NTNG1: variants seen among roughly 807,000 people sequenced by gnomAD.
NTNG1 encodes netrin-G1.
Under a neutral mutation model 54.0 loss-of-function variants are expected in NTNG1, and 16 were observed. That is an observed-to-expected ratio of 0.30 (90% CI 0.20 to 0.45). The LOEUF (loss-of-function observed/expected upper bound fraction) is 0.45. Ranked by LOEUF, NTNG1 falls within the 20% of genes least tolerant of loss-of-function variation. The pLI is 1.00. For missense variants in NTNG1, 530 were observed against 678.7 expected, an observed-to-expected ratio of 0.78 and a Z score of 2.43; for synonymous variants, 255 against 263.1, an observed-to-expected ratio of 0.97 and a Z score of 0.30.
rs111420011 is a variant in NTNG1 at position 107,437,142 on chromosome 1, A to G, written c.1390+343A>G. 3.7e-3 allele frequency among the ~76,000 whole-genome samples: 558 copies of G among 152,282 alleles called. 1 individual carries two copies. Among genetic ancestry groups the G allele is most frequent in the Non-Finnish European group, 5.4e-3 (370 of 68,024 alleles). On this transcript the variant is annotated intron_variant, in intron 7 of 7. Coordinates refer to ENST00000370068, the MANE Select transcript of NTNG1 (RefSeq NM_001113226.3). ...GAAGGGTGATGTGCATGTGATTAAT[A>G]TATTTCTTGAACTGAAAGTTACCCT...
chr1:107,273,238 T>C (rs1664258603), intron 2 of NTNG1, among the ~76,000 whole-genome samples: 1 of 151,918 alleles, frequency 6.6e-6, no homozygotes, highest in South Asian at 2.1e-4. Flanking sequence ...AGCCGGGAAG[T>C]GAGTGCTGAG....
At chr1:107,348,113 T>TTTATTATTA (rs147243583) in intron 3 of NTNG1, among the ~76,000 whole-genome samples, 3 of 148,414 alleles carry the variant, frequency 2.0e-5, no homozygotes, top group African/African-American at 7.5e-5. Context: ...TTTGTTTGCT[T>TTTATTATTA]TTATTATTAT....
At chr1:107,205,097 G>A (rs933361984) in intron 2 of NTNG1, among the ~76,000 whole-genome samples, 2 of 152,158 alleles carry the variant, frequency 1.3e-5, no homozygotes, top group Admixed American at 1.3e-4. Context: ...CCCCAGAAGT[G>A]TCTCACTCTC....
At chr1:107,395,098 G>A (rs1672597696) in intron 3 of NTNG1, 56 bp from the exon 4 acceptor site, 1 of 1,426,384 alleles carries the variant, frequency 7.0e-7, no homozygotes, top group African/African-American at 1.4e-5. Context: ...GGAAGCCTCA[G>A]TGGTCACCAA....
chr1:107,400,095 C>T (rs970118538), intron 4 of NTNG1, among the ~76,000 whole-genome samples: 2 of 152,114 alleles, frequency 1.3e-5, no homozygotes, highest in Admixed American at 6.6e-5. Context: ...CTAATAAATT[C>T]AGAAAAATTT....
chr1:107,160,327 T>G (rs533903734), intron 2 of NTNG1, among the ~76,000 whole-genome samples: 1 of 152,110 alleles, frequency 6.6e-6, no homozygotes, highest in Non-Finnish European at 1.5e-5. Flanking sequence ...TCACAACATA[T>G]ATTAGCAAGT....
intron 3 of NTNG1, among the ~76,000 whole-genome samples, chr1:107,387,483 T>G (rs1490201791): frequency 6.6e-6 from 1 of 152,246 alleles, no homozygotes; most frequent in East Asian, 1.9e-4. Flanking sequence ...TTAGTAAGCC[T>G]AGAGGAAGCC....
intron 5 of NTNG1, among the ~76,000 whole-genome samples, chr1:107,414,749 A>G (rs1448783445): frequency 6.6e-6 from 1 of 152,186 alleles, no homozygotes; most frequent in Non-Finnish European, 1.5e-5. Flanking sequence ...CTATGATGCC[A>G]AGCAAATATT....
intron 2 of NTNG1, among the ~76,000 whole-genome samples, chr1:107,246,504 A>G (rs756825467): frequency 3.9e-5 from 6 of 152,032 alleles, no homozygotes; most frequent in Non-Finnish European, 7.4e-5. Flanking sequence ...CTGTTTTACA[A>G]TGGGGAAATA....
At chr1:107,464,605 A>G (rs934348202) in intron 7 of NTNG1, among the ~76,000 whole-genome samples, 1 of 152,106 alleles carries the variant, frequency 6.6e-6, no homozygotes, top group Non-Finnish European at 1.5e-5. Context: ...GATAAAACCA[A>G]ATGAAGTGAT....
chr1:107,302,348 T>G (rs1666373322), intron 2 of NTNG1, among the ~76,000 whole-genome samples: 1 of 152,158 alleles, frequency 6.6e-6, no homozygotes, highest in African/African-American at 2.4e-5. Context: ...CAGGAACACT[T>G]ATTCTGATAA....
In NTNG1 at chr1:107,484,275, G is replaced by A. The variant is rs1678901767; in HGVS notation, c.*3435G>A. 6.6e-6 allele frequency among the ~76,000 whole-genome samples: 1 copy of A among 152,194 alleles called. No homozygotes were observed. Among genetic ancestry groups the A allele is most frequent in the Non-Finnish European group, 1.5e-5 (1 of 68,040 alleles). ...GGGCTGAAAAATAAAGGGATGAGGG[G>A]TAGGAAGGAGATAGACAAGGGCTAC... On this transcript the variant is annotated 3_prime_UTR_variant, in exon 8 of 8. Transcript: ENST00000370068.
chr1:107,324,153 C>A (rs926298036), intron 2 of NTNG1, 129 bp from the exon 3 acceptor site: 12 of 779,736 alleles, frequency 1.5e-5, no homozygotes, highest in Non-Finnish European at 2.6e-5. Flanking sequence ...CCAGTTAGGG[C>A]AAATAAAAAT....
chr1:107,403,635 G>C, intron 4 of NTNG1: 1 of 155,128 alleles, frequency 6.4e-6, no homozygotes, highest in Non-Finnish European at 1.5e-5. Flanking sequence ...GCTTGAACCT[G>C]GGAGGTGGAG....
intron 3 of NTNG1, among the ~76,000 whole-genome samples, chr1:107,353,979 AG>A (rs529827873): frequency 4.4e-4 from 67 of 152,274 alleles, no homozygotes; most frequent in African/African-American, 1.5e-3. Context: ...ACCAACACCA[AG>A]GGGAAATCAA....
chr1:107,378,094 G>A (rs1489419456), intron 3 of NTNG1, among the ~76,000 whole-genome samples: 1 of 152,194 alleles, frequency 6.6e-6, no homozygotes, highest in African/African-American at 2.4e-5. Flanking sequence ...CTTATATTTA[G>A]AAAAGAAATG....
chr1:107,216,083 C>G (rs933944061), intron 2 of NTNG1, among the ~76,000 whole-genome samples: 3 of 152,150 alleles, frequency 2.0e-5, no homozygotes, highest in Admixed American at 1.3e-4. Context: ...ACAATCATGT[C>G]ATCAGCAAAC....
intron 2 of NTNG1, among the ~76,000 whole-genome samples, chr1:107,277,003 G>A (rs983233411): frequency 2.0e-5 from 3 of 152,146 alleles, no homozygotes; most frequent in African/African-American, 7.2e-5. Flanking sequence ...GGGAGGCTGG[G>A]AAATTTGTCA....
At chr1:107,191,909 G>A (rs150250880) in intron 2 of NTNG1, among the ~76,000 whole-genome samples, 4,232 of 152,006 alleles carry the variant, frequency 0.028, 180 homozygotes, top group African/African-American at 0.094. Flanking sequence ...TTGGCGATGC[G>A]GGCTCTATTT....
Sources: allele counts gnomAD v4.1 joint callset (sites outside exome capture counted in the v4.1 genomes callset), GRCh38; gene constraint gnomAD v4.1.1; transcripts MANE v1.5; gene names NCBI Gene and HGNC (gene_info 2026-07-23, HGNC 2026-07-21).